Variants in MORC1 observed in about 807,000 individuals in gnomAD.
The protein encoded by MORC1 is MORC family CW-type zinc finger 1, also known as MORC family CW-type zinc finger protein 1.
A neutral mutation model predicts 134.9 loss-of-function variants in MORC1; 59 were observed. That is an observed-to-expected ratio of 0.44 (90% CI 0.35 to 0.54). MORC1 has a LOEUF of 0.54. Among genes scored for constraint, MORC1 ranks in the 20% least tolerant of loss-of-function variants. MORC1 has a pLI of 0.00. For missense variants in MORC1, 947 were observed against 1,134.5 expected (o/e 0.83, Z 2.37); for synonymous variants, 395 against 391.7 (o/e 1.01, Z -0.10).
In MORC1 at chr3:109,094,900, T is replaced by G. The variant is rs776522440; in HGVS notation, c.583+9A>C. ...TTCCATCAAATTGTCAGAGTTTTGA[T>G]GATCTTACCACATTTTCCATAGATC... On this transcript the variant is annotated intron_variant, in intron 7 of 27. Transcript: ENST00000232603. 1 of 1,546,002 alleles carries G rather than the reference T, an allele frequency of 6.5e-7. No homozygotes were observed. The highest frequency in any genetic ancestry group is 1.3e-5 in the South Asian group (1 of 77,300).
chr3:109,111,465 GT>G (rs763290223), intron 2 of MORC1, among the ~76,000 whole-genome samples: 4 of 152,120 alleles, frequency 2.6e-5, no homozygotes, highest in Admixed American at 2.0e-4. Flanking sequence ...CCTCTTCTAG[GT>G]GATGAGAGTA....
In MORC1 at chr3:109,062,173, G is replaced by C. The variant is rs1297949696; in HGVS notation, c.896-115C>G. The stretch of plus-strand genomic sequence containing the variant: ...GAAAAAGGCATACAGACCATGATCT[G>C]AGAAAACCCTATGTTCCTCTTATAA... On this transcript the variant is annotated intron_variant, in intron 10 of 27. Transcript: ENST00000232603. 2.0e-5 allele frequency: 17 copies of C among 871,420 alleles called. No homozygotes were observed. The East Asian group carries it at 3.3e-4, about 17-fold the overall frequency. The allele number at this position is 871,420 out of a possible 1,614,324, so 54.0% of individuals were successfully genotyped here.
intron 14 of MORC1, among the ~76,000 whole-genome samples, chr3:109,036,634 A>G (rs953832123): frequency 6.6e-6 from 1 of 152,146 alleles, no homozygotes; most frequent in Admixed American, 6.5e-5. Context: ...ATGCAAATAA[A>G]TGACCTAACA....
chr3:109,072,040 A>C (rs965580939), intron 8 of MORC1, among the ~76,000 whole-genome samples: 11 of 152,190 alleles, frequency 7.2e-5, no homozygotes, highest in African/African-American at 2.4e-4. Context: ...TTGTGACAAA[A>C]AGAAGGGTAC....
Position 109,012,155 on chromosome 3 carries a change from G to C in MORC1, c.1705-5064C>G, listed in dbSNP as rs527479685. On this transcript the variant is annotated intron_variant, in intron 17 of 27. Transcript: ENST00000232603. Reference sequence around the variant, plus strand: ...GGTAAGAATCAATGTTTGTTATTTTGGGGGATATATGGCTATCCAAATGTT... The same window carrying C: ...GGTAAGAATCAATGTTTGTTATTTTCGGGGATATATGGCTATCCAAATGTT... Among the ~76,000 whole-genome samples, 123 of 150,772 alleles carry C rather than the reference G, an allele frequency of 8.2e-4. 3 individuals carry two copies. The highest frequency in any genetic ancestry group is 2.9e-3 in the African/African-American group (117 of 40,278).
At chr3:109,050,245 T>C (rs1187062415) in intron 14 of MORC1, among the ~76,000 whole-genome samples, 1 of 152,214 alleles carries the variant, frequency 6.6e-6, no homozygotes, top group Non-Finnish European at 1.5e-5. Context: ...GCCTGTGTCT[T>C]AGTCCATTCA....
chr3:109,039,212 C>A (rs942979325), intron 14 of MORC1, among the ~76,000 whole-genome samples: 1 of 151,988 alleles, frequency 6.6e-6, no homozygotes, highest in South Asian at 2.1e-4. Flanking sequence ...CACCGTGCCC[C>A]GCCTGCTTCT....
At chr3:109,017,538 T>G (rs1948844953) in intron 17 of MORC1, among the ~76,000 whole-genome samples, 1 of 152,220 alleles carries the variant, frequency 6.6e-6, no homozygotes, top group South Asian at 2.1e-4. Context: ...AATAGATACA[T>G]TTCAACTAAT....
At chr3:109,010,739 T>A (rs1259044706) in intron 17 of MORC1, among the ~76,000 whole-genome samples, 3 of 152,238 alleles carry the variant, frequency 2.0e-5, no homozygotes, top group Non-Finnish European at 4.4e-5. Context: ...CTTCTGGAGT[T>A]TTATATTAAG....
chr3:108,997,290 T>G (rs753719137), intron 21 of MORC1, among the ~76,000 whole-genome samples: 10 of 152,184 alleles, frequency 6.6e-5, no homozygotes, highest in Non-Finnish European at 1.5e-4. Flanking sequence ...CCCACCACTT[T>G]GGGAGGCCAA....
Position 109,035,267 on chromosome 3 carries a change from A to G in MORC1, c.1459+73T>C, listed in dbSNP as rs907464602. 18 of 1,388,926 alleles carry G rather than the reference A, an allele frequency of 1.3e-5. No homozygotes were observed. The East Asian group carries it at 4.3e-4, about 33-fold the overall frequency. 86.0% of individuals were successfully genotyped at this position (1,388,926 alleles called of 1,614,324 possible). A position where few individuals can be genotyped will look rare whatever the true frequency, so the allele number is the denominator to read the frequency against. On this transcript the variant is annotated intron_variant, in intron 15 of 27. Transcript: ENST00000232603. ...CTTACCTTTGTCTCCCTCATCCCTC[A>G]TTTCTTAACACAATGACTTGCATAT...
intron 21 of MORC1, among the ~76,000 whole-genome samples, chr3:108,988,727 T>C (rs1385189768): frequency 6.6e-6 from 1 of 152,180 alleles, no homozygotes; most frequent in Non-Finnish European, 1.5e-5. Context: ...AACTTTCTTT[T>C]ATGATGAAAT....
chr3:109,068,860 C>T (rs55928855), intron 9 of MORC1, among the ~76,000 whole-genome samples: 18,150 of 152,166 alleles, frequency 0.12, 1,162 homozygotes, highest in Non-Finnish European at 0.14. Context: ...ACTTAAAGGC[C>T]GGGCCTGGTG....
chr3:109,033,896 A>C (rs1210388821), intron 15 of MORC1, among the ~76,000 whole-genome samples: 1 of 152,176 alleles, frequency 6.6e-6, no homozygotes, highest in Non-Finnish European at 1.5e-5. Context: ...CTGAGACTTA[A>C]AGAAGTTAAA....
chr3:108,978,948 T>C (rs1004477199), intron 24 of MORC1, among the ~76,000 whole-genome samples: 3 of 152,180 alleles, frequency 2.0e-5, no homozygotes, highest in African/African-American at 7.2e-5. Flanking sequence ...AGTCTGTATA[T>C]AGACTTCTTT....
At chr3:108,970,278 AT>A (rs1559861308) in intron 25 of MORC1, among the ~76,000 whole-genome samples, 2 of 152,144 alleles carry the variant, frequency 1.3e-5, no homozygotes, top group South Asian at 2.1e-4. Flanking sequence ...AGCAAAAAAA[AT>A]AAAAATAAAA....
intron 17 of MORC1, among the ~76,000 whole-genome samples, chr3:109,025,921 G>A (rs927370958): frequency 1.1e-4 from 16 of 152,080 alleles, no homozygotes; most frequent in African/African-American, 3.9e-4. Context: ...CACTGTTTTG[G>A]TTAATACAGA....
chr3:108,996,286 G>GCGCGCGCACACACACACACACACACACA, intron 21 of MORC1, among the ~76,000 whole-genome samples: 2,532 of 146,334 alleles, frequency 0.017, 34 homozygotes, highest in Non-Finnish European at 0.022. Context: ...GCGCGCGCGC[G>GCGCGCGCACACACACACACACACACACA]CACACACACA....
rs114549356 is a variant in MORC1 at position 109,063,526 on chromosome 3, C to T, written c.816-295G>A. ...ATAGGATAATTTTCTTTAAAAAATT[C>T]TATGAAGTTGTTCCCTTATCAAAGT... is the stretch of plus-strand genomic sequence containing the variant. On this transcript the variant is annotated intron_variant, in intron 9 of 27. Coordinates refer to ENST00000232603, the MANE Select transcript of MORC1 (RefSeq NM_014429.4). Among the ~76,000 whole-genome samples, 786 of 152,178 alleles carry T rather than the reference C, an allele frequency of 5.2e-3. 18 individuals carry two copies. Among genetic ancestry groups the T allele is most frequent in the African/African-American group, 0.018 (749 of 41,534 alleles).
Sources: allele counts gnomAD v4.1 joint callset (sites outside exome capture counted in the v4.1 genomes callset), GRCh38; gene constraint gnomAD v4.1.1; transcripts MANE v1.5; gene names NCBI Gene and HGNC (gene_info 2026-07-23, HGNC 2026-07-21).